SCHIP1: variants seen among roughly 807,000 people sequenced by gnomAD.
SCHIP1 encodes schwannomin interacting protein 1, also known as schwannomin-interacting protein 1.
SCHIP1 carries 8 observed loss-of-function variants against 29.7 expected under a neutral mutation model. That is an observed-to-expected ratio of 0.27 (90% confidence interval 0.16 to 0.49). The LOEUF (loss-of-function observed/expected upper bound fraction) is 0.49, where lower values mean the gene tolerates loss of function less well. Among genes scored for constraint, SCHIP1 ranks in the 20% least tolerant of loss-of-function variants. SCHIP1 has a pLI of 0.99. For synonymous variants in SCHIP1, 76 were observed against 94.9 expected, an observed-to-expected ratio of 0.80 and a Z score of 1.16; for missense variants, 193 against 294.6, an observed-to-expected ratio of 0.66 and a Z score of 2.52.
chr3:159,752,130 G>C, the SCHIP1 span, among the ~76,000 whole-genome samples: 3 of 140,280 alleles, frequency 2.1e-5, no homozygotes, highest in East Asian at 4.5e-4. Flanking sequence ...TGTCATGATT[G>C]TAAGTTTCCT....
the SCHIP1 span, among the ~76,000 whole-genome samples, chr3:159,692,840 A>T: frequency 6.6e-6 from 1 of 152,220 alleles, no homozygotes; most frequent in African/African-American, 2.4e-5. Flanking sequence ...AAAAGAAAAC[A>T]TATTTAACAA....
the SCHIP1 span, among the ~76,000 whole-genome samples, chr3:159,514,990 G>A: frequency 6.6e-6 from 1 of 151,948 alleles, no homozygotes; most frequent in Non-Finnish European, 1.5e-5. Flanking sequence ...TCACAGCCAC[G>A]TATCCTTATA....
the SCHIP1 span, among the ~76,000 whole-genome samples, chr3:159,757,023 C>T: frequency 6.6e-6 from 1 of 152,236 alleles, no homozygotes; most frequent in Non-Finnish European, 1.5e-5. Context: ...TCCACATTTT[C>T]CTGTCTTCTT....
chr3:159,584,870 C>T, the SCHIP1 span, among the ~76,000 whole-genome samples: 10 of 152,092 alleles, frequency 6.6e-5, no homozygotes, highest in Admixed American at 6.6e-4. Context: ...CCCTGTCTCA[C>T]TCAGCCCTAA....
chr3:159,357,167 T>C, the SCHIP1 span, among the ~76,000 whole-genome samples: 4 of 152,200 alleles, frequency 2.6e-5, no homozygotes, highest in Non-Finnish European at 5.9e-5. Flanking sequence ...TGTAATTGAA[T>C]ATCACTTGTA....
the SCHIP1 span, among the ~76,000 whole-genome samples, chr3:159,463,706 C>T: frequency 6.6e-6 from 1 of 151,522 alleles, no homozygotes; most frequent in African/African-American, 2.4e-5. Flanking sequence ...TCCCCATATC[C>T]CCAAGTATGA....
chr3:159,568,233 CA>C, the SCHIP1 span, among the ~76,000 whole-genome samples: 1 of 152,004 alleles, frequency 6.6e-6, no homozygotes, highest in Non-Finnish European at 1.5e-5. Context: ...TAAAACATAT[CA>C]TCTGAGAATA....
At chr3:159,352,143 C>T in the SCHIP1 span, among the ~76,000 whole-genome samples, 6 of 152,214 alleles carry the variant, frequency 3.9e-5, no homozygotes, top group East Asian at 7.7e-4. Context: ...AGCACTGGGG[C>T]GTGGAGCTGT....
At chr3:159,799,988 G>C in the SCHIP1 span, among the ~76,000 whole-genome samples, 11 of 152,168 alleles carry the variant, frequency 7.2e-5, no homozygotes, top group African/African-American at 2.7e-4. Flanking sequence ...CTCCAGATGA[G>C]AGATGATGGA....
chr3:159,690,383 AGAGGT>A, the SCHIP1 span, among the ~76,000 whole-genome samples: 2 of 152,172 alleles, frequency 1.3e-5, no homozygotes, highest in Admixed American at 6.5e-5. Flanking sequence ...TTATTTGCAT[AGAGGT>A]GTTTATAGTA....
chr3:159,640,913 A>G, the SCHIP1 span, among the ~76,000 whole-genome samples: 1 of 152,196 alleles, frequency 6.6e-6, no homozygotes, highest in East Asian at 1.9e-4. Flanking sequence ...TAGAAAGACA[A>G]TGATTAAATT....
chr3:159,550,078 G>GAAAATTAATTATCTTAAGATATCTTAAT, the SCHIP1 span, among the ~76,000 whole-genome samples: 3 of 146,652 alleles, frequency 2.0e-5, no homozygotes, highest in East Asian at 4.1e-4. Flanking sequence ...GATATCTTAA[G>GAAAATTAATTATCTTAAGATATCTTAAT]AAAATTAATT....
At chr3:159,868,241 A>G (rs1714867578) in intron 2 of SCHIP1, among the ~76,000 whole-genome samples, 1 of 151,526 alleles carries the variant, frequency 6.6e-6, no homozygotes, top group Non-Finnish European at 1.5e-5. Context: ...TATTTATATT[A>G]TCCTTGTGCC....
At chr3:159,819,153 C>T in the SCHIP1 span, among the ~76,000 whole-genome samples, 3 of 152,184 alleles carry the variant, frequency 2.0e-5, no homozygotes, top group East Asian at 1.9e-4. Context: ...TGGCCCTCTC[C>T]GTGGGCTGTT....
At chr3:159,304,388 G>T in the SCHIP1 span, among the ~76,000 whole-genome samples, 1 of 152,078 alleles carries the variant, frequency 6.6e-6, no homozygotes, top group Admixed American at 6.5e-5. Context: ...TATCCGTGTT[G>T]GGTATCTATC....
At chr3:159,368,568 G>T in the SCHIP1 span, among the ~76,000 whole-genome samples, 1 of 152,062 alleles carries the variant, frequency 6.6e-6, no homozygotes, top group Admixed American at 6.5e-5. Context: ...ACTAGACATT[G>T]GTACTATTAA....
the SCHIP1 span, among the ~76,000 whole-genome samples, chr3:159,744,651 A>G: frequency 2.6e-5 from 4 of 152,306 alleles, no homozygotes; most frequent in Middle Eastern, 3.4e-3. Flanking sequence ...TGTTCATGGT[A>G]ACCATTGGAC....
At chr3:159,468,047 A>G in the SCHIP1 span, among the ~76,000 whole-genome samples, 12 of 152,128 alleles carry the variant, frequency 7.9e-5, no homozygotes, top group East Asian at 2.3e-3. Context: ...TGATTTCTTG[A>G]CCTGTTAGTG....
intron 1 of SCHIP1, among the ~76,000 whole-genome samples, chr3:159,858,513 T>G (rs751298312): frequency 6.6e-6 from 1 of 152,242 alleles, no homozygotes; most frequent in African/African-American, 2.4e-5. Flanking sequence ...CATTTCTATC[T>G]GCCTGCTTCT....
Sources: allele counts gnomAD v4.1 joint callset (sites outside exome capture counted in the v4.1 genomes callset), GRCh38; gene constraint gnomAD v4.1.1; transcripts MANE v1.5; gene names NCBI Gene and HGNC (gene_info 2026-07-23, HGNC 2026-07-21).